Variants in FIBCD1 observed in about 807,000 individuals in gnomAD.
FIBCD1 encodes the protein fibrinogen C domain containing 1.
Under a neutral mutation model 45.1 loss-of-function variants are expected in FIBCD1, and 47 were observed. That is an observed-to-expected ratio of 1.04 (90% CI 0.82 to 1.33). The LOEUF (loss-of-function observed/expected upper bound fraction) is 1.33, where lower values mean the gene tolerates loss of function less well. FIBCD1 is among the 40% of genes most tolerant of loss of function. The pLI, the probability that FIBCD1 is intolerant of heterozygous loss-of-function variation, is 0.00. For missense variants in FIBCD1, 653 were observed against 682.2 expected (o/e 0.96, Z 0.48); for synonymous variants, 313 against 308.1 (o/e 1.02, Z -0.17).
intron 6 of FIBCD1, 136 bp downstream of exon 6, chr9:130,905,098 A>G: frequency 1.2e-6 from 1 of 841,178 alleles, no homozygotes. Context: ...AATATTTGTT[A>G]TTTTTCAAAA....
In FIBCD1 at chr9:130,924,398, T is replaced by C. The variant is rs1435782881; in HGVS notation, c.553-2A>G. On this transcript the variant is annotated splice_acceptor_variant, in intron 2 of 6. Coordinates refer to ENST00000372338, the MANE Select transcript of FIBCD1 (RefSeq NM_032843.5). LOFTEE classifies it high-confidence loss of function. ...GTGGCCCTGGCTCTCAGAGAGAAGC[T>C]GCGGAGCACAGGGGGTGAGCCGAGG... 3.6e-5 allele frequency: 57 copies of C among 1,604,576 alleles called. No homozygotes were observed. The highest frequency in any genetic ancestry group is 4.6e-5 in the Non-Finnish European group (54 of 1,176,856).
chr9:130,907,118 C>T (rs1450190449), intron 5 of FIBCD1, among the ~76,000 whole-genome samples: 1 of 152,192 alleles, frequency 6.6e-6, no homozygotes, highest in Non-Finnish European at 1.5e-5. Flanking sequence ...AGAGGGAGAC[C>T]GGCCCCCCGG....
chr9:130,919,776 T>A (rs1489496417), intron 4 of FIBCD1, among the ~76,000 whole-genome samples: 3 of 152,196 alleles, frequency 2.0e-5, no homozygotes, highest in Admixed American at 2.0e-4. Context: ...ACGTTGGCTG[T>A]GCCTGGGAGC....
At chr9:130,928,052 T>C (rs1296128046) in intron 2 of FIBCD1, among the ~76,000 whole-genome samples, 1 of 152,206 alleles carries the variant, frequency 6.6e-6, no homozygotes, top group African/African-American at 2.4e-5. Flanking sequence ...GCTGATCAGC[T>C]GAGGGTCTGG....
chr9:130,939,725 C>G (rs544516900), upstream of FIBCD1, among the ~76,000 whole-genome samples: 733 of 152,220 alleles, frequency 4.8e-3, 2 homozygotes, highest in African/African-American at 0.017. Flanking sequence ...TCTCCTCCGC[C>G]GGGAGGGGAT....
Position 130,929,803 on chromosome 9 carries a change from C to T in FIBCD1, c.316G>A (p.Ala106Thr). 1 of 1,551,676 alleles carries T rather than the reference C, an allele frequency of 6.4e-7. No individual in the cohort carries two copies. Among genetic ancestry groups the T allele is most frequent in the Non-Finnish European group, 8.7e-7 (1 of 1,147,690 alleles). Residue 106 changes from alanine to threonine, a missense_variant, in exon 2 of 7, where the codon GCA becomes ACA. Ala to Thr is a moderately conservative substitution (Grantham distance 58). Transcript: ENST00000372338. ...PRCPDLTDSFARLESAQASVL... is the reference protein window; with the variant it reads ...PRCPDLTDSFTRLESAQASVL... ...GAGGCCTGGGCGCTCTCCAGGCGTG[C>T]GAAGCTGTCGGTGAGGTCGGGGCAG...
intron 4 of FIBCD1, among the ~76,000 whole-genome samples, chr9:130,923,018 G>A (rs933986976): frequency 6.6e-6 from 1 of 152,192 alleles, no homozygotes; most frequent in African/African-American, 2.4e-5. Context: ...CGGGAGGACT[G>A]GGACAGGGGC....
At chr9:130,931,111 G>A (rs2133120521) in intron 1 of FIBCD1, among the ~76,000 whole-genome samples, 1 of 152,268 alleles carries the variant, frequency 6.6e-6, no homozygotes, top group South Asian at 2.1e-4. Flanking sequence ...AACCCGCTGG[G>A]CCAGGTAGCC....
intron 5 of FIBCD1, among the ~76,000 whole-genome samples, chr9:130,910,038 A>G (rs1025642105): frequency 2.6e-5 from 4 of 152,210 alleles, no homozygotes; most frequent in African/African-American, 9.6e-5. Context: ...GGAGCCCTTC[A>G]GCCCACCGCT....
chr9:130,912,518 TCAA>T (rs1352684828), intron 4 of FIBCD1, among the ~76,000 whole-genome samples: 2 of 150,146 alleles, frequency 1.3e-5, no homozygotes, highest in Admixed American at 1.3e-4. Context: ...ACCAGCCTGG[TCAA>T]CGTGGGGAAA....
chr9:130,912,498 G>A (rs1822737237), intron 4 of FIBCD1, among the ~76,000 whole-genome samples: 2 of 151,886 alleles, frequency 1.3e-5, no homozygotes, highest in African/African-American at 4.8e-5. Context: ...CCTGAGGTCA[G>A]GAGTTCGAGA....
rs1286445309 is a variant in FIBCD1 at position 130,922,925 on chromosome 9, G to GC, written c.849+818dup. Among the ~76,000 whole-genome samples, 1 of 152,020 alleles carries GC rather than the reference G, an allele frequency of 6.6e-6. No individual in the cohort carries two copies. Among genetic ancestry groups the GC allele is most frequent in the Non-Finnish European group, 1.5e-5 (1 of 67,998 alleles). ...CCTGCTTTAATGGCTCATGAGAAAT[G>GC]CCCCCTTCTCCAGGAAGCTTTACCC... is the stretch of plus-strand genomic sequence containing the variant. On this transcript the variant is annotated intron_variant, in intron 4 of 6. Coordinates refer to ENST00000372338, the MANE Select transcript of FIBCD1 (RefSeq NM_032843.5). The surrounding 1 kb of genome is among the most constrained non-coding windows in gnomAD (Gnocchi z 4.5).
intron 1 of FIBCD1, chr9:130,938,140 G>C: frequency 5.7e-6 from 1 of 175,528 alleles, no homozygotes; most frequent in Non-Finnish European, 1.2e-5. Flanking sequence ...AGCGCCCAGA[G>C]TGGAGATTCT....
chr9:130,914,881 G>GCTGCGTGCTCT (rs1292324674), intron 4 of FIBCD1, among the ~76,000 whole-genome samples: 2 of 152,224 alleles, frequency 1.3e-5, no homozygotes, highest in Non-Finnish European at 1.5e-5. Flanking sequence ...CAGCTCGGGG[G>GCTGCGTGCTCT]CTGCGTGCTC....
chr9:130,912,898 C>T (rs1288814168), intron 4 of FIBCD1, among the ~76,000 whole-genome samples: 2 of 152,092 alleles, frequency 1.3e-5, no homozygotes, highest in African/African-American at 4.8e-5. Flanking sequence ...CCCCCACACA[C>T]CCCAGGCTTG....
chr9:130,933,169 AGAG>A (rs1043961543), intron 1 of FIBCD1, among the ~76,000 whole-genome samples: 1 of 152,226 alleles, frequency 6.6e-6, no homozygotes, highest in Admixed American at 6.5e-5. Flanking sequence ...GGCACTCAGC[AGAG>A]GAGAATTAGT....
upstream of FIBCD1, among the ~76,000 whole-genome samples, chr9:130,940,386 G>C (rs1267224215): frequency 1.3e-5 from 2 of 152,408 alleles, no homozygotes; most frequent in East Asian, 3.9e-4. Context: ...CCCGGACTGA[G>C]GCTGCCCGGG....
chr9:130,925,771 G>C (rs1832347896), intron 2 of FIBCD1, among the ~76,000 whole-genome samples: 3 of 152,232 alleles, frequency 2.0e-5, no homozygotes, highest in Admixed American at 6.5e-5. Context: ...GGAGGGTGAG[G>C]GGGTAGTGGG....
intron 1 of FIBCD1, 39 bp downstream of exon 1, chr9:130,938,497 C>T (rs1832557046): frequency 6.9e-7 from 1 of 1,459,004 alleles, no homozygotes. Flanking sequence ...CACCGCCTGG[C>T]CAGCCGCCCA....
Sources: gnomAD v4.1 joint callset for allele counts (sites outside exome capture counted in the v4.1 genomes callset) on GRCh38, gnomAD v4.1.1 for gene constraint, Gnocchi (gnomAD v3.1) non-coding constraint, MANE v1.5 for transcripts, NCBI Gene and HGNC (gene_info 2026-07-23, HGNC 2026-07-21) for gene names.